SLC68A1: variants seen among roughly 807,000 people sequenced by gnomAD.
The protein encoded by SLC68A1 is major facilitator superfamily domain containing 13A.
the SLC68A1 span, chr10:102,475,900 G>A: frequency 9.7e-5 from 156 of 1,613,668 alleles, 1 homozygote; most frequent in African/African-American, 5.1e-4. Flanking sequence ...CCCAGTTCAC[G>A]CTGCATGGGA....
chr10:102,469,608 G>A, the SLC68A1 span, among the ~76,000 whole-genome samples: 2 of 145,746 alleles, frequency 1.4e-5, no homozygotes, highest in East Asian at 3.9e-4. Context: ...GTGCAATGGC[G>A]CAATCTCAGC....
chr10:102,472,359 T>A, the SLC68A1 span: 3 of 258,244 alleles, frequency 1.2e-5, no homozygotes, highest in Non-Finnish European at 2.3e-5. Flanking sequence ...GCCTCCTGGG[T>A]TCAAATGATT....
the SLC68A1 span, chr10:102,473,680 A>G: frequency 6.2e-7 from 1 of 1,613,978 alleles, no homozygotes; most frequent in African/African-American, 1.3e-5. Context: ...GCTGGGACTT[A>G]GCCTGCTCAT....
the SLC68A1 span, chr10:102,475,600 T>A: frequency 8.7e-7 from 1 of 1,146,564 alleles, no homozygotes; most frequent in Non-Finnish European, 1.2e-6. Context: ...TTTGGAGGAA[T>A]CAGGAGTTGT....
the SLC68A1 span, chr10:102,473,418 G>A: frequency 3.7e-6 from 3 of 805,990 alleles, no homozygotes; most frequent in Non-Finnish European, 5.9e-6. Context: ...TCACCTTAAG[G>A]GGCTGTGAAG....
At chr10:102,470,889 G>C in the SLC68A1 span, 4 of 1,613,038 alleles carry the variant, frequency 2.5e-6, no homozygotes, top group Non-Finnish European at 3.4e-6. Flanking sequence ...GCCCACGACC[G>C]CACCCACCTC....
At chr10:102,465,058 G>T in the SLC68A1 span, among the ~76,000 whole-genome samples, 1 of 151,994 alleles carries the variant, frequency 6.6e-6, no homozygotes, top group Non-Finnish European at 1.5e-5. Context: ...TTTGAGACCA[G>T]CCTGACCAAT....
chr10:102,467,850 G>T, the SLC68A1 span, among the ~76,000 whole-genome samples: 1 of 152,066 alleles, frequency 6.6e-6, no homozygotes, highest in Non-Finnish European at 1.5e-5. Flanking sequence ...TAGAGACGGG[G>T]TTTCACCGTG....
At chr10:102,469,300 C>A in the SLC68A1 span, 2 of 1,201,990 alleles carry the variant, frequency 1.7e-6, no homozygotes, top group Non-Finnish European at 1.2e-6. Flanking sequence ...CCCACCCAGT[C>A]AGAGGCCTGG....
the SLC68A1 span, chr10:102,471,372 G>A: frequency 6.2e-7 from 1 of 1,613,308 alleles, no homozygotes; most frequent in Non-Finnish European, 8.5e-7. Flanking sequence ...ACTTCCTGTG[G>A]TTCGTGAGCA....
chr10:102,466,145 G>A, the SLC68A1 span: 1 of 152,162 alleles, frequency 6.6e-6, no homozygotes, highest in Admixed American at 6.6e-5. Context: ...ACGGTGCTCT[G>A]TGCTTCCTGG....
the SLC68A1 span, chr10:102,469,230 A>G: frequency 2.7e-6 from 4 of 1,479,488 alleles, no homozygotes; most frequent in Non-Finnish European, 2.8e-6. Context: ...AACATGGAGG[A>G]GGGGGTGGGG....
At chr10:102,473,841 A>AC in the SLC68A1 span, 1 of 1,612,386 alleles carries the variant, frequency 6.2e-7, no homozygotes, top group Non-Finnish European at 8.5e-7. Flanking sequence ...CACTGAGGGC[A>AC]CCTGTAAGCT....
the SLC68A1 span, chr10:102,474,110 GA>G: frequency 7.5e-7 from 1 of 1,330,134 alleles, no homozygotes; most frequent in Non-Finnish European, 1.0e-6. Context: ...TCCAGTGACG[GA>G]AGGTGGCAAC....
At chr10:102,469,263 C>G in the SLC68A1 span, 1 of 1,533,754 alleles carries the variant, frequency 6.5e-7, no homozygotes, top group East Asian at 2.2e-5. Flanking sequence ...GCTGCCCAGG[C>G]TGCTGGGCAG....
the SLC68A1 span, among the ~76,000 whole-genome samples, chr10:102,474,603 AG>A: frequency 3.9e-5 from 6 of 152,148 alleles, no homozygotes; most frequent in Admixed American, 3.3e-4. Flanking sequence ...TTTGTTGATC[AG>A]GGCAGTGTTG....
At chr10:102,469,003 CCTGGGGCTAAGG>C in the SLC68A1 span, 4 of 1,598,580 alleles carry the variant, frequency 2.5e-6, no homozygotes, top group African/African-American at 4.0e-5. Context: ...CCCCGGTGCT[CCTGGGGCTAAGG>C]CTGGGGCTGC....
chr10:102,466,376 G>A, the SLC68A1 span, among the ~76,000 whole-genome samples: 7 of 151,586 alleles, frequency 4.6e-5, no homozygotes, highest in African/African-American at 1.7e-4. Flanking sequence ...CCAGCTACTC[G>A]GGAGGCTGAG....
the SLC68A1 span, chr10:102,472,845 G>A: frequency 3.2e-5 from 52 of 1,611,870 alleles, no homozygotes; most frequent in Middle Eastern, 1.6e-4. Context: ...CATCCCTGTC[G>A]GGTTGCAGGT....
Sources: gnomAD v4.1 joint callset for allele counts (sites outside exome capture counted in the v4.1 genomes callset) on GRCh38, gnomAD v4.1.1 for gene constraint, MANE v1.5 for transcripts, NCBI Gene and HGNC (gene_info 2026-07-23, HGNC 2026-07-21) for gene names.